Variants in SLC35D1 observed in about 807,000 individuals in gnomAD.
SLC35D1 encodes the protein solute carrier family 35 member D1, also known as nucleotide sugar transporter SLC35D1.
A neutral mutation model predicts 46.7 loss-of-function variants in SLC35D1; 31 were observed. The observed-to-expected ratio is 0.66, with a 90% confidence interval of 0.50 to 0.90. The LOEUF (loss-of-function observed/expected upper bound fraction) is 0.90, where lower values mean the gene tolerates loss of function less well. SLC35D1 is among the 40% of genes least tolerant of loss of function. The pLI is 0.00. For synonymous variants in SLC35D1, 195 were observed against 164.6 expected, an observed-to-expected ratio of 1.18 and a Z score of -1.41; for missense variants, 397 against 426.2, an observed-to-expected ratio of 0.93 and a Z score of 0.60.
chr1:67,010,321 A>G (rs1157150998), intron 10 of SLC35D1, among the ~76,000 whole-genome samples: 4 of 152,082 alleles, frequency 2.6e-5, no homozygotes, highest in Non-Finnish European at 1.5e-5. Flanking sequence ...CTGCACATGC[A>G]CCCCCAGAAC....
chr1:67,015,160 TA>T (rs140508453), intron 10 of SLC35D1, among the ~76,000 whole-genome samples: 11,843 of 85,504 alleles, frequency 0.14, 536 homozygotes, highest in African/African-American at 0.29. Context: ...TGTGTTTTTG[TA>T]AAAAAAAAAA....
intron 6 of SLC35D1, among the ~76,000 whole-genome samples, chr1:67,049,279 G>A (rs1342955180): frequency 6.6e-6 from 1 of 150,390 alleles, no homozygotes; most frequent in Non-Finnish European, 1.5e-5. Context: ...GGGCGACAGA[G>A]CAAGACTCCG....
chr1:66,993,830 G>GTA, the SLC35D1 span, among the ~76,000 whole-genome samples: 16 of 152,148 alleles, frequency 1.1e-4, no homozygotes, highest in Non-Finnish European at 2.1e-4. Context: ...TTTTACTGTG[G>GTA]TATAGCAGGC....
chr1:67,021,975 A>G (rs1161176475), intron 8 of SLC35D1, among the ~76,000 whole-genome samples: 1 of 152,170 alleles, frequency 6.6e-6, no homozygotes, highest in East Asian at 1.9e-4. Context: ...GATGGCTATT[A>G]ATGTGCTAGT....
chr1:67,047,879 T>C (rs925022769), intron 6 of SLC35D1, among the ~76,000 whole-genome samples: 10 of 152,166 alleles, frequency 6.6e-5, no homozygotes, highest in East Asian at 5.8e-4. Context: ...TCTAAGCACA[T>C]AGCAGGAACT....
chr1:67,023,968 A>C (rs942553117), intron 8 of SLC35D1, among the ~76,000 whole-genome samples: 2 of 150,194 alleles, frequency 1.3e-5, no homozygotes, highest in African/African-American at 4.9e-5. Context: ...TTTTTAAGAC[A>C]GAGTCTCACT....
intron 10 of SLC35D1, among the ~76,000 whole-genome samples, chr1:67,015,262 A>G (rs1667661140): frequency 6.6e-6 from 1 of 151,594 alleles, no homozygotes; most frequent in African/African-American, 2.4e-5. Context: ...TTTAAATTTA[A>G]GAGGCTATTT....
chr1:66,982,191 T>A, the SLC35D1 span, among the ~76,000 whole-genome samples: 1 of 152,218 alleles, frequency 6.6e-6, no homozygotes, highest in Non-Finnish European at 1.5e-5. Flanking sequence ...TCTTTTCCTG[T>A]CTTGTCTAGT....
intron 10 of SLC35D1, among the ~76,000 whole-genome samples, chr1:67,010,809 T>G (rs1667550590): frequency 6.6e-6 from 1 of 152,180 alleles, no homozygotes; most frequent in South Asian, 2.1e-4. Flanking sequence ...CAAATATATT[T>G]CTTTAACATA....
the SLC35D1 span, chr1:66,973,028 T>A: frequency 3.5e-6 from 4 of 1,134,092 alleles, no homozygotes; most frequent in East Asian, 9.5e-5. Flanking sequence ...AAAAAGAAAT[T>A]TAGTTGAACA....
chr1:67,046,608 T>C (rs769300031), intron 7 of SLC35D1, among the ~76,000 whole-genome samples: 1 of 152,200 alleles, frequency 6.6e-6, no homozygotes, highest in Non-Finnish European at 1.5e-5. Context: ...CTAGGATATA[T>C]AAAGTTGAGA....
At chr1:67,022,573 G>A (rs1022889648) in intron 8 of SLC35D1, among the ~76,000 whole-genome samples, 9 of 152,000 alleles carry the variant, frequency 5.9e-5, no homozygotes, top group Admixed American at 3.9e-4. Flanking sequence ...TTGTCTCTTC[G>A]AACTGTAAAT....
the SLC35D1 span, among the ~76,000 whole-genome samples, chr1:66,981,065 T>TATA: frequency 6.9e-6 from 1 of 143,986 alleles, no homozygotes. Flanking sequence ...TATGTACATA[T>TATA]ATAATACAAT....
At chr1:66,990,474 C>CA in the SLC35D1 span, among the ~76,000 whole-genome samples, 2 of 151,976 alleles carry the variant, frequency 1.3e-5, no homozygotes, top group East Asian at 3.9e-4. Flanking sequence ...GCTGTGTTGC[C>CA]AGGGCTAGTC....
chr1:66,997,582 C>A (rs1474777398), downstream of SLC35D1, among the ~76,000 whole-genome samples: 2 of 135,474 alleles, frequency 1.5e-5, no homozygotes, highest in East Asian at 4.3e-4. Flanking sequence ...TATATATACA[C>A]ACACAGATAT....
intron 8 of SLC35D1, among the ~76,000 whole-genome samples, chr1:67,027,879 G>A (rs189855966): frequency 1.3e-5 from 2 of 152,152 alleles, no homozygotes; most frequent in African/African-American, 4.8e-5. Context: ...TTACAGGTGT[G>A]AGCCACCATG....
At chr1:67,049,947 T>C in intron 5 of SLC35D1, 97 bp from the exon 6 acceptor site, 2 of 860,292 alleles carry the variant, frequency 2.3e-6, no homozygotes, top group Non-Finnish European at 3.8e-6. Context: ...TCAAAAGCTA[T>C]AAACAATCGT....
chr1:66,999,021 T>A (rs187752828), downstream of SLC35D1, among the ~76,000 whole-genome samples: 48 of 152,330 alleles, frequency 3.2e-4, no homozygotes, highest in African/African-American at 1.1e-3. Context: ...AAAGGTTTAA[T>A]ATGCTTCTCC....
chr1:66,997,519 A>AAAATATATATAT (rs1553262615), downstream of SLC35D1, among the ~76,000 whole-genome samples: 14 of 74,028 alleles, frequency 1.9e-4, no homozygotes, highest in Admixed American at 2.0e-3. Flanking sequence ...AAAAAAAAAA[A>AAAATATATATAT]ATATATATAT....
Sources: allele counts gnomAD v4.1 joint callset (sites outside exome capture counted in the v4.1 genomes callset), GRCh38; gene constraint gnomAD v4.1.1; transcripts MANE v1.5; gene names NCBI Gene and HGNC (gene_info 2026-07-23, HGNC 2026-07-21).